Variants in PRUNE2 observed in about 807,000 individuals in gnomAD.
PRUNE2 encodes prune homolog 2 with BCH domain, also known as protein prune homolog 2.
A neutral mutation model predicts 252.0 loss-of-function variants in PRUNE2; 164 were observed. The ratio of observed to expected loss-of-function variants is 0.65; its 90% confidence interval spans 0.57 to 0.74. PRUNE2 has a LOEUF of 0.74. PRUNE2 is among the 30% of genes least tolerant of loss of function. The pLI is 0.00. For missense variants in PRUNE2, 3,495 were observed against 3,711.0 expected (o/e 0.94, Z 1.51); for synonymous variants, 1,292 against 1,350.2 (o/e 0.96, Z 0.94).
At chr9:76,872,256 C>A (rs1449247335) in intron 1 of PRUNE2, among the ~76,000 whole-genome samples, 1 of 152,166 alleles carries the variant, frequency 6.6e-6, no homozygotes, top group Non-Finnish European at 1.5e-5. Context: ...AGCTCTTTGC[C>A]CCTCAATGGG....
At chr9:76,720,924 AC>A (rs2047588294) in intron 6 of PRUNE2, among the ~76,000 whole-genome samples, 1 of 152,024 alleles carries the variant, frequency 6.6e-6, no homozygotes, top group Non-Finnish European at 1.5e-5. Context: ...CCACGGTGAA[AC>A]CCCATCTCCA....
intron 9 of PRUNE2, among the ~76,000 whole-genome samples, chr9:76,663,082 C>A (rs945635669): frequency 3.3e-5 from 5 of 152,174 alleles, no homozygotes; most frequent in Non-Finnish European, 7.3e-5. Context: ...TACATGGCAC[C>A]CTGTGAACCA....
chr9:76,671,483 G>T (rs557241217), intron 9 of PRUNE2, among the ~76,000 whole-genome samples: 26 of 152,020 alleles, frequency 1.7e-4, no homozygotes, highest in African/African-American at 5.8e-4. Context: ...CACTCTGCAG[G>T]ATATTATCCA....
intron 6 of PRUNE2, among the ~76,000 whole-genome samples, chr9:76,718,820 G>C (rs1043608243): frequency 3.9e-5 from 6 of 151,972 alleles, no homozygotes; most frequent in Non-Finnish European, 7.4e-5. Context: ...ATGGCCCACC[G>C]CCTCCTCAGT....
intron 4 of PRUNE2, among the ~76,000 whole-genome samples, chr9:76,829,231 A>C (rs1345089521): frequency 1.3e-5 from 2 of 152,196 alleles, no homozygotes; most frequent in Non-Finnish European, 2.9e-5. Flanking sequence ...GTAAGTGCAC[A>C]GAAGTGAGCC....
At chr9:76,881,493 A>T (rs2061782135) in intron 1 of PRUNE2, among the ~76,000 whole-genome samples, 2 of 152,196 alleles carry the variant, frequency 1.3e-5, no homozygotes, top group South Asian at 4.1e-4. Flanking sequence ...AATATTGGAC[A>T]ACTACCACTC....
chr9:76,849,140 G>C (rs2059819111), intron 3 of PRUNE2, among the ~76,000 whole-genome samples: 1 of 152,000 alleles, frequency 6.6e-6, no homozygotes, highest in Non-Finnish European at 1.5e-5. Context: ...CAAACTCCTG[G>C]GCTCAAGTGA....
intron 6 of PRUNE2, among the ~76,000 whole-genome samples, chr9:76,753,014 C>T (rs1310396440): frequency 2.0e-5 from 3 of 152,096 alleles, no homozygotes; most frequent in African/African-American, 7.2e-5. Flanking sequence ...GAAAGTATTA[C>T]TTTTTCAAAG....
At chr9:76,628,314 G>A (rs1380971146) in intron 16 of PRUNE2, among the ~76,000 whole-genome samples, 11 of 152,180 alleles carry the variant, frequency 7.2e-5, no homozygotes, top group Admixed American at 6.5e-4. Context: ...CAGTACCCAT[G>A]CAGGATGCTG....
Position 76,706,372 on chromosome 9 carries a change from C to G in PRUNE2, c.5902G>C (p.Asp1968His), listed in dbSNP as rs747699647. The change falls in exon 8 of 19, where the codon GAT (aspartate) becomes CAT (histidine). Residue 1968 changes from aspartate (D) to histidine (H), a missense_variant. Coordinates refer to ENST00000376718, the MANE Select transcript of PRUNE2 (RefSeq NM_015225.3). ...QCQDTMLPVC[D>H]HPDTAFTHAE... Reference sequence around the variant, plus strand: ...TGAGTAAAGGCTGTGTCCGGATGATCACAGACTGGCAGCATGGTGTCCTGA... The same window carrying G: ...TGAGTAAAGGCTGTGTCCGGATGATGACAGACTGGCAGCATGGTGTCCTGA... 6.2e-7 allele frequency: 1 copy of G among 1,614,024 alleles called. No individual in the cohort carries two copies. Among genetic ancestry groups the G allele is most frequent in the Non-Finnish European group, 8.5e-7 (1 of 1,179,902 alleles).
chr9:76,744,450 G>C (rs566520467), intron 6 of PRUNE2, among the ~76,000 whole-genome samples: 1 of 152,028 alleles, frequency 6.6e-6, no homozygotes, highest in Non-Finnish European at 1.5e-5. Flanking sequence ...CCCCAAGGGC[G>C]GGGCTGTCTA....
At chr9:76,871,609 A>C (rs1303729213) in intron 1 of PRUNE2, among the ~76,000 whole-genome samples, 1 of 152,200 alleles carries the variant, frequency 6.6e-6, no homozygotes, top group Non-Finnish European at 1.5e-5. Flanking sequence ...AATCTTGATT[A>C]TCTTGGGGCA....
At chr9:76,619,448 C>T (rs1249583888) in intron 17 of PRUNE2, 61 bp from the exon 18 acceptor site, 1 of 1,202,308 alleles carries the variant, frequency 8.3e-7, no homozygotes, top group Non-Finnish European at 1.2e-6. Context: ...ACTGTGAAAG[C>T]ACAACAGATT....
At chr9:76,693,449 T>G (rs943614317) in intron 9 of PRUNE2, among the ~76,000 whole-genome samples, 2 of 147,046 alleles carry the variant, frequency 1.4e-5, no homozygotes, top group Non-Finnish European at 3.0e-5. Context: ...CTTTTTTTTT[T>G]TTTTTTTTTT....
At chr9:76,676,244 TA>T (rs57084757) in intron 9 of PRUNE2, among the ~76,000 whole-genome samples, 2 of 143,898 alleles carry the variant, frequency 1.4e-5, no homozygotes, top group Non-Finnish European at 1.5e-5. Flanking sequence ...GTGAAAACAT[TA>T]AAAAAAAAAA....
intron 1 of PRUNE2, among the ~76,000 whole-genome samples, chr9:76,891,395 G>T (rs1239466387): frequency 6.6e-6 from 1 of 152,200 alleles, no homozygotes; most frequent in African/African-American, 2.4e-5. Flanking sequence ...GTCAGGTGAT[G>T]CCCACAGGCC....
In PRUNE2 at chr9:76,711,528, T is replaced by C. The variant is rs141278292; in HGVS notation, c.916-170A>G. On this transcript the variant is annotated intron_variant, in intron 7 of 18. Coordinates refer to ENST00000376718, the MANE Select transcript of PRUNE2 (RefSeq NM_015225.3). ...GTTCTGATTACTGTACCACCAACCC[T>C]TTCTCCAATTCTATCCAACTGTCTC... Among the ~76,000 whole-genome samples, 20 of 152,356 alleles carry C rather than the reference T, an allele frequency of 1.3e-4. No individual in the cohort carries two copies. In the East Asian group the frequency reaches 2.3e-3, roughly 18 times the overall value.
At chr9:76,647,339 T>TA (rs1354795168) in intron 11 of PRUNE2, among the ~76,000 whole-genome samples, 8 of 152,272 alleles carry the variant, frequency 5.3e-5, no homozygotes, top group Non-Finnish European at 1.0e-4. Flanking sequence ...ACCTGTAAAA[T>TA]AATGAATCTG....
At chr9:76,905,635 A>T (rs1271448065) in intron 1 of PRUNE2, among the ~76,000 whole-genome samples, 2 of 152,162 alleles carry the variant, frequency 1.3e-5, no homozygotes, top group Non-Finnish European at 2.9e-5. Flanking sequence ...CTTAGCTTTC[A>T]GGAGCAAACT....
Sources: gnomAD v4.1 joint callset for allele counts (sites outside exome capture counted in the v4.1 genomes callset) on GRCh38, gnomAD v4.1.1 for gene constraint, MANE v1.5 for transcripts, NCBI Gene and HGNC (gene_info 2026-07-23, HGNC 2026-07-21) for gene names.